The following RNF122 variants were observed in gnomAD, a reference collection of about 807,000 sequenced individuals.
The protein encoded by RNF122 is ring finger protein 122.
RNF122 carries 17 observed loss-of-function variants against 24.2 expected under a neutral mutation model. That is an observed-to-expected ratio of 0.70 (90% CI 0.48 to 1.06). The LOEUF is 1.06. Ranked by LOEUF, RNF122 falls within the 50% of genes least tolerant of loss-of-function variation. The pLI is 0.00. For synonymous variants in RNF122, 65 were observed against 71.8 expected (o/e 0.91, Z 0.48); for missense variants, 168 against 198.1 (o/e 0.85, Z 0.91).
At chr8:33,549,004 T>C (rs1328825575) in intron 5 of RNF122, 137 bp from the exon 6 acceptor site, 20 of 681,584 alleles carry the variant, frequency 2.9e-5, no homozygotes, top group Non-Finnish European at 8.0e-6. Context: ...GTGGATCACC[T>C]GAGGTCAGGA....
intron 1 of RNF122, among the ~76,000 whole-genome samples, chr8:33,563,610 A>T (rs968944646): frequency 3.3e-5 from 5 of 152,100 alleles, no homozygotes; most frequent in African/African-American, 1.2e-4. Context: ...AAGAAGAACA[A>T]TTTTCCATGA....
At chr8:33,549,031 G>C (rs982618309) in intron 5 of RNF122, among the ~76,000 whole-genome samples, 164 bp from the exon 6 acceptor site, 2 of 151,984 alleles carry the variant, frequency 1.3e-5, no homozygotes, top group Non-Finnish European at 2.9e-5. Flanking sequence ...GACCAGCCTG[G>C]CCAACATGGT....
At chr8:33,552,552 G>T (rs964974243) in intron 2 of RNF122, among the ~76,000 whole-genome samples, 1 of 152,172 alleles carries the variant, frequency 6.6e-6, no homozygotes, top group African/African-American at 2.4e-5. Flanking sequence ...ATATAATGTG[G>T]TCTGTTCCCC....
In RNF122 at chr8:33,566,903, A is replaced by T. The variant is rs1161946715; in HGVS notation, c.-180T>A. On this transcript the variant is annotated 5_prime_UTR_variant, in exon 1 of 6. Coordinates refer to ENST00000256257, the MANE Select transcript of RNF122 (RefSeq NM_024787.3). ...GGGGGCTTTGACGAGGCTGGTGTTC[A>T]GCCCAACAAAGAGGGACGAGGAGGA... is the stretch of plus-strand genomic sequence containing the variant. 1 of 668,414 alleles carries T rather than the reference A, an allele frequency of 1.5e-6. No individual in the cohort carries two copies. The highest frequency in any genetic ancestry group is 2.7e-6 in the Non-Finnish European group (1 of 376,896). The allele number at this position is 668,414 out of a possible 1,614,324, so 41.4% of individuals were successfully genotyped here.
intron 3 of RNF122, 121 bp from the exon 4 acceptor site, chr8:33,551,206 G>T: frequency 6.8e-7 from 1 of 1,465,606 alleles, no homozygotes; most frequent in Non-Finnish European, 9.6e-7. Flanking sequence ...TTCAGACACT[G>T]AAGGGGTTTA....
intron 4 of RNF122, among the ~76,000 whole-genome samples, chr8:33,550,488 A>G (rs2128838186): frequency 6.6e-6 from 1 of 152,074 alleles, no homozygotes; most frequent in Admixed American, 6.6e-5. Context: ...GGGTTAGGTG[A>G]CCTTAGAGGC....
intron 1 of RNF122, among the ~76,000 whole-genome samples, chr8:33,559,522 G>A (rs934355986): frequency 3.3e-5 from 5 of 152,112 alleles, no homozygotes; most frequent in East Asian, 1.9e-4. Context: ...GAATGAAAAT[G>A]AGCGCATAAG....
intron 2 of RNF122, among the ~76,000 whole-genome samples, chr8:33,552,606 C>T (rs1810393333): frequency 6.6e-6 from 1 of 152,100 alleles, no homozygotes; most frequent in Admixed American, 6.5e-5. Context: ...ATGATCTGGT[C>T]TTGGGACACA....
At chr8:33,557,220 C>G (rs920272136) in intron 2 of RNF122, among the ~76,000 whole-genome samples, 1 of 152,172 alleles carries the variant, frequency 6.6e-6, no homozygotes, top group African/African-American at 2.4e-5. Context: ...CTCCAATGTA[C>G]AGAACAGTCC....
rs745685003 is a variant in RNF122, at chr8:33,558,759, C to G, written c.38G>C (p.Gly13Ala). ...CTTGTTGGTGCTAACCAGTCCCAGGCCACAGAAACACCCTGCAAAGGGAGA... is the reference window on the plus strand; with the variant it reads ...CTTGTTGGTGCTAACCAGTCCCAGGGCACAGAAACACCCTGCAAAGGGAGA... Reference protein sequence around the residue: ...PFQWCNGCFCGLGLVSTNKSC... With the variant: ...PFQWCNGCFCALGLVSTNKSC... The change falls in exon 2 of 6, where the codon GGC becomes GCC. Residue 13 changes from glycine (G) to alanine (A), a missense_variant. Transcript: ENST00000256257. The G allele has an allele frequency of 6.3e-7, 1 of 1,578,874 alleles. No homozygotes were observed. Among genetic ancestry groups the G allele is most frequent in the South Asian group, 1.2e-5 (1 of 86,876 alleles).
chr8:33,556,049 G>A (rs1395115256), intron 2 of RNF122, among the ~76,000 whole-genome samples: 1 of 151,662 alleles, frequency 6.6e-6, no homozygotes, highest in Non-Finnish European at 1.5e-5. Flanking sequence ...AATTAGTTGG[G>A]CATGGTGGCA....
intron 1 of RNF122, among the ~76,000 whole-genome samples, chr8:33,563,899 C>T (rs1470496254): frequency 6.6e-6 from 1 of 152,138 alleles, no homozygotes; most frequent in Non-Finnish European, 1.5e-5. Context: ...GCACGATGGT[C>T]CCCGCAAGTC....
chr8:33,559,407 T>C (rs1810506400), intron 1 of RNF122, among the ~76,000 whole-genome samples: 1 of 151,290 alleles, frequency 6.6e-6, no homozygotes, highest in South Asian at 2.1e-4. Context: ...GCTGAGAAAA[T>C]ATTATTTGGG....
At chr8:33,566,552 G>C in intron 1 of RNF122, 147 bp downstream of exon 1, 1 of 780,956 alleles carries the variant, frequency 1.3e-6, no homozygotes, top group South Asian at 1.6e-5. Flanking sequence ...AGAGCAGAGT[G>C]GGGCGCCAAG....
At chr8:33,556,565 G>A (rs1810455130) in intron 2 of RNF122, among the ~76,000 whole-genome samples, 1 of 152,126 alleles carries the variant, frequency 6.6e-6, no homozygotes, top group South Asian at 2.1e-4. Context: ...GGTATTTGGT[G>A]TATCTTCATC....
At chr8:33,565,666 GAA>G (rs1810611313) in intron 1 of RNF122, among the ~76,000 whole-genome samples, 1 of 152,186 alleles carries the variant, frequency 6.6e-6, no homozygotes, top group Non-Finnish European at 1.5e-5. Context: ...AACTAACTTA[GAA>G]GCATCACCCA....
At chr8:33,565,159 G>A (rs888422809) in intron 1 of RNF122, among the ~76,000 whole-genome samples, 4 of 152,280 alleles carry the variant, frequency 2.6e-5, no homozygotes, top group African/African-American at 9.6e-5. Context: ...CCAGATGCTA[G>A]GGTGCAAGGG....
chr8:33,553,175 G>C (rs1810402276), intron 2 of RNF122, among the ~76,000 whole-genome samples: 1 of 152,038 alleles, frequency 6.6e-6, no homozygotes, highest in Admixed American at 6.6e-5. Flanking sequence ...GGGTTATTTG[G>C]AAGGAAACAT....
intron 2 of RNF122, among the ~76,000 whole-genome samples, chr8:33,556,486 C>A (rs943034058): frequency 6.6e-6 from 1 of 152,114 alleles, no homozygotes; most frequent in Non-Finnish European, 1.5e-5. Flanking sequence ...GCAGGGGGAG[C>A]AGGGAGGAAA....
Sources: gnomAD v4.1 joint callset for allele counts (sites outside exome capture counted in the v4.1 genomes callset) on GRCh38, gnomAD v4.1.1 for gene constraint, MANE v1.5 for transcripts, NCBI Gene and HGNC (gene_info 2026-07-23, HGNC 2026-07-21) for gene names.